The following FGD5 variants were observed in gnomAD, a reference collection of about 807,000 sequenced individuals.
The protein encoded by FGD5 is FYVE, RhoGEF and PH domain-containing protein 5.
In FGD5, 28 loss-of-function variants were observed where a neutral mutation model predicts 133.4. The observed-to-expected ratio is 0.21, with a 90% CI of 0.16 to 0.29. The LOEUF (loss-of-function observed/expected upper bound fraction) is 0.29. FGD5 is among the 10% of genes least tolerant of loss of function. The pLI, the probability that FGD5 is intolerant of heterozygous loss-of-function variation, is 1.00. For synonymous variants in FGD5, 810 were observed against 776.5 expected, an observed-to-expected ratio of 1.04 and a Z score of -0.72; for missense variants, 1,858 against 1,895.2, an observed-to-expected ratio of 0.98 and a Z score of 0.36.
chr3:14,855,847 A>G (rs1423787817), intron 1 of FGD5, among the ~76,000 whole-genome samples: 1 of 151,868 alleles, frequency 6.6e-6, no homozygotes, highest in Non-Finnish European at 1.5e-5. Context: ...TCTGTTGATG[A>G]TTTCCTTTGC....
upstream of FGD5, among the ~76,000 whole-genome samples, chr3:14,814,511 G>A (rs2036341406): frequency 6.6e-6 from 1 of 152,100 alleles, no homozygotes; most frequent in South Asian, 2.1e-4. Flanking sequence ...GGACAGAGCT[G>A]GATGCTCTCA....
intron 2 of FGD5, among the ~76,000 whole-genome samples, chr3:14,875,137 A>T (rs998648383): frequency 3.9e-5 from 6 of 152,092 alleles, no homozygotes; most frequent in Non-Finnish European, 8.8e-5. Flanking sequence ...GTTCTCCTGG[A>T]GCCTAGTGCC....
At chr3:14,832,556 T>A (rs917667959) in intron 1 of FGD5, among the ~76,000 whole-genome samples, 1 of 152,200 alleles carries the variant, frequency 6.6e-6, no homozygotes, top group African/African-American at 2.4e-5. Flanking sequence ...TTGCTGAACG[T>A]CCCTTTGGGC....
chr3:14,820,743 A>G lies in FGD5; in HGVS notation c.1672A>G (p.Ile558Val), dbSNP rs2036477279. The G allele has an allele frequency of 6.2e-7, 1 of 1,609,520 alleles. No homozygotes were observed. Among genetic ancestry groups the G allele is most frequent in the African/African-American group, 1.3e-5 (1 of 74,688 alleles). ...GTCGTTCTCCGTGGAAGGCCGAGAG[A>G]TTCCAGTGTCCGTGTACCAGGAGCC... ...PRSFSVEGRE[I>V]PVSVYQEPEG... The change falls in exon 1 of 20, where the codon ATT becomes GTT. Residue 558 changes from isoleucine to valine, a missense_variant. Around this residue, in one of 3 missense-constraint regions of FGD5, gnomAD observed 1,824 missense variants for 1,848.9 expected, o/e 0.99. Coordinates refer to ENST00000285046, the MANE Select transcript of FGD5 (RefSeq NM_152536.4).
chr3:14,929,616 T>C (rs950832154), intron 18 of FGD5, among the ~76,000 whole-genome samples: 3 of 152,240 alleles, frequency 2.0e-5, no homozygotes, highest in Non-Finnish European at 4.4e-5. Context: ...ATTAAGCACA[T>C]GATTGCTTTC....
At chr3:14,846,004 C>T (rs1355910072) in intron 1 of FGD5, among the ~76,000 whole-genome samples, 1 of 152,132 alleles carries the variant, frequency 6.6e-6, no homozygotes, top group African/African-American at 2.4e-5. Context: ...GATGAGAACT[C>T]AAACTCACCA....
At chr3:14,878,394 G>C (rs1480932141) in intron 2 of FGD5, among the ~76,000 whole-genome samples, 2 of 152,116 alleles carry the variant, frequency 1.3e-5, no homozygotes, top group Non-Finnish European at 2.9e-5. Context: ...TTGCAGTTAA[G>C]GCCTTTCCCT....
intron 1 of FGD5, among the ~76,000 whole-genome samples, chr3:14,836,567 G>T (rs573632112): frequency 2.0e-5 from 3 of 152,288 alleles, no homozygotes; most frequent in African/African-American, 7.2e-5. Flanking sequence ...GTTTTCTCTG[G>T]CTCTCCTGTG....
At chr3:14,927,726 G>A (rs568052292) in intron 18 of FGD5, among the ~76,000 whole-genome samples, 64 of 152,090 alleles carry the variant, frequency 4.2e-4, no homozygotes, top group African/African-American at 1.5e-3. Flanking sequence ...GGGAAAAAGC[G>A]ACTATCAAAA....
At position 14,820,575 on chromosome 3, in the gene FGD5, G is replaced by A. The variant is rs762771281; in HGVS notation, c.1504G>A (p.Gly502Arg). 13 of 1,610,614 alleles carry A rather than the reference G, an allele frequency of 8.1e-6. No individual in the cohort carries two copies. Among genetic ancestry groups the A allele is most frequent in the African/African-American group, 2.7e-5 (2 of 74,962 alleles). ...CCCAGAAACCGTCCCTGAAGAAACC[G>A]GACCTGAGGCGGGCTCGTCAGCCCC... is the stretch of plus-strand genomic sequence containing the variant. ...YVPETVPEET[G>R]PEAGSSAPGI... Residue 502 changes from glycine (G) to arginine (R), a missense_variant, in exon 1 of 20, where the codon GGA becomes AGA. Physicochemically the swap from Gly to Arg is moderately radical, Grantham distance 125. Coordinates refer to ENST00000285046, the MANE Select transcript of FGD5 (RefSeq NM_152536.4).
At chr3:14,837,497 T>G (rs531732471) in intron 1 of FGD5, among the ~76,000 whole-genome samples, 1 of 152,200 alleles carries the variant, frequency 6.6e-6, no homozygotes, top group African/African-American at 2.4e-5. Flanking sequence ...TGGCATTGGC[T>G]GGAGGACTAG....
intron 13 of FGD5, among the ~76,000 whole-genome samples, chr3:14,921,647 C>T (rs1320739530): frequency 1.3e-5 from 2 of 152,218 alleles, no homozygotes; most frequent in Non-Finnish European, 2.9e-5. Flanking sequence ...GGTTCCACGT[C>T]CCACATCTCC....
intron 1 of FGD5, among the ~76,000 whole-genome samples, chr3:14,838,685 G>T (rs2036863038): frequency 6.6e-6 from 1 of 152,142 alleles, no homozygotes; most frequent in South Asian, 2.1e-4. Context: ...ACCCATTCTG[G>T]CATAATTCCT....
At chr3:14,845,317 A>G (rs2037029638) in intron 1 of FGD5, among the ~76,000 whole-genome samples, 1 of 152,170 alleles carries the variant, frequency 6.6e-6, no homozygotes, top group South Asian at 2.1e-4. Context: ...TTTTACTCTG[A>G]AAGGTTTAAG....
chr3:14,855,046 T>TTTTAC (rs1378074343), intron 1 of FGD5, among the ~76,000 whole-genome samples: 2 of 152,232 alleles, frequency 1.3e-5, no homozygotes, highest in Admixed American at 6.5e-5. Context: ...TAGTATCCTC[T>TTTTAC]GTTCCACTTT....
At chr3:14,833,170 T>C (rs1233758990) in intron 1 of FGD5, among the ~76,000 whole-genome samples, 1 of 152,152 alleles carries the variant, frequency 6.6e-6, no homozygotes, top group Non-Finnish European at 1.5e-5. Context: ...AGAATTGTGG[T>C]GTTTCCCTGT....
Position 14,850,521 on chromosome 3 carries a change from C to G in FGD5, c.2526-13607C>G, listed in dbSNP as rs145572742. Among the ~76,000 whole-genome samples, 47 of 152,270 alleles carry G rather than the reference C, an allele frequency of 3.1e-4. No individual in the cohort carries two copies. The East Asian group carries it at 8.1e-3, about 26-fold the overall frequency. On this transcript the variant is annotated intron_variant, in intron 1 of 19. Coordinates refer to ENST00000285046, the MANE Select transcript of FGD5 (RefSeq NM_152536.4). ...TGTGCAGACAGAGAGACGCCCTCCCCCTGGGTGATGGGAGGAAGTCACCTC... is the reference window on the plus strand; with the variant it reads ...TGTGCAGACAGAGAGACGCCCTCCCGCTGGGTGATGGGAGGAAGTCACCTC...
Position 14,820,766 on chromosome 3 carries a change from G to A in FGD5, c.1695G>A (p.Glu565=), listed in dbSNP as rs770904550. Residue 565 remains glutamate (E), a synonymous_variant, in exon 1 of 20, where the codon GAG becomes GAA. Transcript: ENST00000285046. ...AGATTCCAGTGTCCGTGTACCAGGAGCCTGAGGGGTCAGGGTTGGATGACC... is the reference window on the plus strand; with the variant it reads ...AGATTCCAGTGTCCGTGTACCAGGAACCTGAGGGGTCAGGGTTGGATGACC... ...GREIPVSVYQ[E]PEGSGLDDHR... is the part of the protein sequence containing the mutation. 1 of 1,613,442 alleles carries A rather than the reference G, an allele frequency of 6.2e-7. No individual in the cohort carries two copies. Among genetic ancestry groups the A allele is most frequent in the African/African-American group, 1.3e-5 (1 of 75,008 alleles).
chr3:14,819,763 A>G lies in FGD5; in HGVS notation c.692A>G (p.Glu231Gly). 2 of 1,544,274 alleles carry G rather than the reference A, an allele frequency of 1.3e-6. No homozygotes were observed. Among genetic ancestry groups the G allele is most frequent in the South Asian group, 1.2e-5 (1 of 81,464 alleles). Reference sequence around the variant, plus strand: ...AGCACAGACCCAGCAGGGGCAGATGAGGGTTCGGGTCCTGACAGGCCCACG... The same window carrying G: ...AGCACAGACCCAGCAGGGGCAGATGGGGGTTCGGGTCCTGACAGGCCCACG... ...CASTDPAGAD[E>G]GSGPDRPTED... The change falls in exon 1 of 20, where the codon GAG (glutamate) becomes GGG (glycine). Residue 231 changes from glutamate to glycine, a missense_variant. Transcript: ENST00000285046. The surrounding 1 kb of genome is among the most constrained non-coding windows in gnomAD (Gnocchi z 4.1).
Sources: allele counts gnomAD v4.1 joint callset (sites outside exome capture counted in the v4.1 genomes callset), GRCh38; gene constraint gnomAD v4.1.1; regional missense constraint gnomAD v4.1.1; non-coding constraint Gnocchi (gnomAD v3.1); transcripts MANE v1.5; gene names NCBI Gene and HGNC (gene_info 2026-07-23, HGNC 2026-07-21).